ELP1: variants seen among roughly 807,000 people sequenced by gnomAD.
The protein encoded by ELP1 is elongator complex protein 1.
A neutral mutation model predicts 183.2 loss-of-function variants in ELP1; 131 were observed. The observed-to-expected ratio is 0.72, with a 90% CI of 0.62 to 0.83. The LOEUF (loss-of-function observed/expected upper bound fraction) is 0.83. ELP1 is among the 40% of genes least tolerant of loss of function. The probability of loss-of-function intolerance (pLI) is 0.00; values close to 1 mark genes in which losing one functional copy is unlikely to be tolerated. For missense variants in ELP1, 1,550 were observed against 1,594.9 expected (o/e 0.97, Z 0.48); for synonymous variants, 555 against 569.0 (o/e 0.98, Z 0.35).
chr9:108,905,111 A>G (rs568214016), intron 14 of ELP1, among the ~76,000 whole-genome samples: 1 of 152,222 alleles, frequency 6.6e-6, no homozygotes, highest in African/African-American at 2.4e-5. Flanking sequence ...GCATTTAGAC[A>G]TGTTAACAAA....
At chr9:108,880,215 GA>G in intron 31 of ELP1, 50 bp from the exon 32 acceptor site, 2 of 1,258,056 alleles carry the variant, frequency 1.6e-6, no homozygotes, top group South Asian at 1.2e-5. Flanking sequence ...TAAGCAAAGA[GA>G]AAAAACTAAA....
intron 18 of ELP1, 131 bp downstream of exon 18, chr9:108,901,294 A>G (rs138691115): frequency 1.3e-4 from 90 of 710,582 alleles, no homozygotes; most frequent in African/African-American, 1.2e-3. Context: ...AAGTAAAATA[A>G]CTCTAAAGAT....
chr9:108,923,669 T>C (rs1239025245), intron 5 of ELP1, among the ~76,000 whole-genome samples: 4 of 152,216 alleles, frequency 2.6e-5, no homozygotes, highest in South Asian at 2.1e-4. Context: ...GCTCCTCACA[T>C]AGACTTAGAG....
chr9:108,873,854 G>T (rs76162265), intron 36 of ELP1, among the ~76,000 whole-genome samples: 28 of 150,096 alleles, frequency 1.9e-4, no homozygotes, highest in Non-Finnish European at 3.6e-4. Context: ...GACCCCATCT[G>T]TTTTTTTTTC....
chr9:108,931,344 T>C (rs2132053486), intron 1 of ELP1, 143 bp from the exon 2 acceptor site: 2 of 592,868 alleles, frequency 3.4e-6, no homozygotes, highest in Non-Finnish European at 5.9e-6. Context: ...CACCCATGTA[T>C]GGATTATAGC....
rs768309637 is a variant in ELP1, at chr9:108,919,296, C to A, written c.606G>T (p.Gly202=). The A allele has an allele frequency of 5.0e-5, 81 of 1,613,690 alleles. No homozygotes were observed. In the Middle Eastern group the frequency reaches 1.5e-3, roughly 29 times the overall value. ...CACTCACAGCAAAAAACTGTCCATC[C>A]CCCCGCCAGGTAACTTGTGGTCTAT... ...DDHRPQVTWR[G]DGQFFAVSVV... The change falls in exon 7 of 37, where the codon GGG becomes GGT. Residue 202 remains glycine (G), a synonymous_variant. Coordinates refer to ENST00000374647, the MANE Select transcript of ELP1 (RefSeq NM_003640.5).
chr9:108,874,208 A>G (rs952353213), intron 36 of ELP1, among the ~76,000 whole-genome samples: 1 of 152,232 alleles, frequency 6.6e-6, no homozygotes, highest in African/African-American at 2.4e-5. Flanking sequence ...ACTATCATTC[A>G]CTTTTCAAAG....
At chr9:108,875,679 G>A (rs924775905) in intron 35 of ELP1, 4 of 403,444 alleles carry the variant, frequency 9.9e-6, no homozygotes, top group Non-Finnish European at 1.9e-5. Flanking sequence ...AGGATCACTT[G>A]AGGCCAGGAG....
chr9:108,902,225 A>G (rs747689881), intron 16 of ELP1, among the ~76,000 whole-genome samples: 1 of 152,066 alleles, frequency 6.6e-6, no homozygotes, highest in Non-Finnish European at 1.5e-5. Flanking sequence ...CTTTTTCTTC[A>G]CATCTCAGCA....
chr9:108,915,740 A>G (rs905474487), intron 10 of ELP1, among the ~76,000 whole-genome samples: 1 of 150,132 alleles, frequency 6.7e-6, no homozygotes, highest in African/African-American at 2.4e-5. Context: ...TGAACTACAC[A>G]GGTCCATTTA....
chr9:108,870,732 A>G (rs1417277550), intron 36 of ELP1, among the ~76,000 whole-genome samples: 1 of 152,218 alleles, frequency 6.6e-6, no homozygotes, highest in African/African-American at 2.4e-5. Context: ...AGTGCCCATA[A>G]CATAGAATCA....
chr9:108,876,690 G>C (rs1347054703), intron 35 of ELP1, among the ~76,000 whole-genome samples: 1 of 151,410 alleles, frequency 6.6e-6, no homozygotes, highest in African/African-American at 2.4e-5. Context: ...AAAGCTGGAG[G>C]ATGAACAAAA....
At position 108,868,342 on chromosome 9, in the gene ELP1, C is replaced by CA. The variant is rs1281174021; in HGVS notation, c.*772dup. The CA allele has an allele frequency of 5.8e-6, 1 of 172,280 alleles. No individual in the cohort carries two copies. Among genetic ancestry groups the CA allele is most frequent in the Non-Finnish European group, 1.2e-5 (1 of 82,032 alleles). The allele number at this position is 172,280 out of a possible 1,614,324, so 10.7% of individuals were successfully genotyped here. On this transcript the variant is annotated 3_prime_UTR_variant, in exon 37 of 37. Coordinates refer to ENST00000374647, the MANE Select transcript of ELP1 (RefSeq NM_003640.5). ...CGAAAAATAAATGAAGTGGCCTAGACACTAACAAAAATATCTGAGTTAAAG... is the reference window on the plus strand; with the variant it reads ...CGAAAAATAAATGAAGTGGCCTAGACAACTAACAAAAATATCTGAGTTAAAG...
chr9:108,869,294 C>A lies in ELP1; in HGVS notation c.3932-112G>T, dbSNP rs533354553. 18 of 881,822 alleles carry A rather than the reference C, an allele frequency of 2.0e-5. No individual in the cohort carries two copies. In the African/African-American group the frequency reaches 2.3e-4, roughly 11 times the overall value. The allele number at this position is 881,822 out of a possible 1,614,324, so 54.6% of individuals were successfully genotyped here. A position where few individuals can be genotyped will look rare whatever the true frequency, so the allele number is the denominator to read the frequency against. ...GCAGGTGGAGTTTGCAGCAATAAGA[C>A]CATCAGAGCCAGAGTTCATGTGTCT... is the stretch of plus-strand genomic sequence containing the variant. On this transcript the variant is annotated intron_variant, in intron 36 of 36. Transcript: ENST00000374647.
chr9:108,912,331 G>T lies in ELP1; in HGVS notation c.1122C>A (p.His374Gln). The T allele has an allele frequency of 6.2e-7, 1 of 1,614,162 alleles. No homozygotes were observed. The highest frequency in any genetic ancestry group is 8.5e-7 in the Non-Finnish European group (1 of 1,180,042). The change falls in exon 11 of 37, where the codon CAC (histidine) becomes CAA (glutamine). Residue 374 changes from histidine (H) to glutamine (Q), a missense_variant. By Grantham distance (24) the His-to-Gln change is conservative. Coordinates refer to ENST00000374647, the MANE Select transcript of ELP1 (RefSeq NM_003640.5). ...QGWHYLAYDWHWTTDRSVGDN... is the reference protein window; with the variant it reads ...QGWHYLAYDWQWTTDRSVGDN... Reference sequence around the variant, plus strand: ...CTCCCACGCTCCGGTCAGTCGTCCAGTGCCAATCATAGGCGAGGTAATGCC... The same window carrying T: ...CTCCCACGCTCCGGTCAGTCGTCCATTGCCAATCATAGGCGAGGTAATGCC...
At chr9:108,886,807 T>C (rs1828140369) in intron 29 of ELP1, among the ~76,000 whole-genome samples, 2 of 151,788 alleles carry the variant, frequency 1.3e-5, no homozygotes, top group Non-Finnish European at 2.9e-5. Context: ...CTAATGAGCA[T>C]GGCTATGCTC....
chr9:108,920,537 C>T (rs554273913), intron 6 of ELP1, among the ~76,000 whole-genome samples: 1 of 152,268 alleles, frequency 6.6e-6, no homozygotes, highest in African/African-American at 2.4e-5. Flanking sequence ...CCAACTTGGC[C>T]TCCCAAAGTG....
chr9:108,883,938 A>G (rs535982286), intron 29 of ELP1, among the ~76,000 whole-genome samples: 62 of 152,256 alleles, frequency 4.1e-4, no homozygotes, highest in African/African-American at 1.4e-3. Context: ...TATATTGGTA[A>G]TCACATTCAA....
In ELP1 at chr9:108,896,949, C is replaced by A. The variant is rs1346822588; in HGVS notation, c.2587+4G>T. ...AAGCACTTTCTCTGTGAGCGGATCT[C>A]TACCTTGAAGCTCGTGTACTTTTTG... On this transcript the variant is annotated splice_donor_region_variant and intron_variant, in intron 24 of 36. Coordinates refer to ENST00000374647, the MANE Select transcript of ELP1 (RefSeq NM_003640.5). 2 of 1,613,368 alleles carry A rather than the reference C, an allele frequency of 1.2e-6. No homozygotes were observed.
Sources: gnomAD v4.1 joint callset for allele counts (sites outside exome capture counted in the v4.1 genomes callset) on GRCh38, gnomAD v4.1.1 for gene constraint, MANE v1.5 for transcripts, NCBI Gene and HGNC (gene_info 2026-07-23, HGNC 2026-07-21) for gene names.